Variants in PCNT observed in about 807,000 individuals in gnomAD.
PCNT encodes pericentrin.
PCNT carries 319 observed loss-of-function variants against 380.4 expected under a neutral mutation model. The observed-to-expected ratio is 0.84, with a 90% confidence interval of 0.77 to 0.92. The LOEUF is 0.92. PCNT is among the 40% of genes least tolerant of loss of function. The probability of loss-of-function intolerance (pLI) is 0.00; values close to 1 mark genes in which losing one functional copy is unlikely to be tolerated. For synonymous variants in PCNT, 1,845 were observed against 1,735.2 expected (o/e 1.06, Z -1.57); for missense variants, 4,400 against 4,255.3 (o/e 1.03, Z -0.95).
intron 44 of PCNT, 24 bp from the exon 45 acceptor site, chr21:46,443,786 G>A (rs576018242): frequency 6.2e-7 from 1 of 1,612,640 alleles, no homozygotes; most frequent in Non-Finnish European, 8.5e-7. Context: ...CTAATCCCTT[G>A]GTTGTTAAAT....
At chr21:46,324,858 C>T (rs1048750335) in intron 1 of PCNT, 16 of 985,054 alleles carry the variant, frequency 1.6e-5, no homozygotes, top group Admixed American at 1.2e-4. Flanking sequence ...CCTCGTCCGT[C>T]GGAGATGCTT....
In PCNT at chr21:46,401,535, CT is replaced by C. The variant is rs575429540; in HGVS notation, c.4792-6del. On this transcript the variant is annotated splice_polypyrimidine_tract_variant and intron_variant, in intron 25 of 46. Coordinates refer to ENST00000359568, the MANE Select transcript of PCNT (RefSeq NM_006031.6). ...CCAAATATTTGCCTAAAATAGAGTT[CT>C]TTTTTTTTTAATAGGATAAAGAGGT... 2,983 of 1,410,896 alleles carry C rather than the reference CT, an allele frequency of 2.1e-3. No individual in the cohort carries two copies. The highest frequency in any genetic ancestry group is 2.9e-3 in the Middle Eastern group (16 of 5,470). The allele number at this position is 1,410,896 out of a possible 1,614,324, so 87.4% of individuals were successfully genotyped here.
At chr21:46,427,568 A>G (rs763696802) in intron 33 of PCNT, 54 bp from the exon 34 acceptor site, 24 of 1,609,456 alleles carry the variant, frequency 1.5e-5, no homozygotes, top group Non-Finnish European at 2.0e-5. Flanking sequence ...ACTTTAGGGC[A>G]CAAGGATGCA....
intron 15 of PCNT, among the ~76,000 whole-genome samples, chr21:46,369,416 C>G (rs901927735): frequency 6.6e-6 from 1 of 152,198 alleles, no homozygotes. Context: ...TGTTGTCTTT[C>G]TGGACAAAAT....
chr21:46,376,421 C>T (rs2085334058), intron 15 of PCNT, among the ~76,000 whole-genome samples: 1 of 152,232 alleles, frequency 6.6e-6, no homozygotes, highest in African/African-American at 2.4e-5. Context: ...CAGAGGTTTG[C>T]CCTCGGGCCC....
chr21:46,441,348 C>T (rs545641192), intron 43 of PCNT, among the ~76,000 whole-genome samples: 5 of 152,294 alleles, frequency 3.3e-5, no homozygotes, highest in Admixed American at 1.3e-4. Context: ...TAATGGGTTT[C>T]GTGCCACAAA....
At chr21:46,413,372 G>A (rs535772152) in intron 29 of PCNT, among the ~76,000 whole-genome samples, 58 of 148,840 alleles carry the variant, frequency 3.9e-4, no homozygotes, top group African/African-American at 1.1e-3. Context: ...GGGGGAAGGC[G>A]TGAGGCCCCC....
intron 2 of PCNT, among the ~76,000 whole-genome samples, chr21:46,332,940 C>G (rs2083603625): frequency 6.6e-6 from 1 of 152,072 alleles, no homozygotes. Flanking sequence ...AACAGAGACC[C>G]TGTCTCTACA....
rs1343964359 is a variant in PCNT at position 46,411,985 on chromosome 21, A to G, written c.5912A>G (p.Asp1971Gly). The change falls in exon 28 of 47, where the codon GAT becomes GGT. Residue 1971 changes from aspartate to glycine, a missense_variant. By Grantham distance (94) the Asp-to-Gly change is moderately conservative (BLOSUM62 -1). Coordinates refer to ENST00000359568, the MANE Select transcript of PCNT (RefSeq NM_006031.6). Reference sequence around the variant, plus strand: ...GGGGCCCACCCACAGCCTCGCATGGATGGTGGCGCCAAGGCCCAGGTCACC... The same window carrying G: ...GGGGCCCACCCACAGCCTCGCATGGGTGGTGGCGCCAAGGCCCAGGTCACC... ...VPGAHPQPRM[D>G]GGAKAQVTGD... 6.2e-7 allele frequency: 1 copy of G among 1,604,500 alleles called. No homozygotes were observed. Among genetic ancestry groups the G allele is most frequent in the Non-Finnish European group, 8.5e-7 (1 of 1,179,760 alleles).
At position 46,441,104 on chromosome 21, in the gene PCNT, G is replaced by T. The variant is rs1388275179; in HGVS notation, c.9623+20G>T. 6.8e-7 allele frequency: 1 copy of T among 1,479,450 alleles called. No homozygotes were observed. The highest frequency in any genetic ancestry group is 9.5e-7 in the Non-Finnish European group (1 of 1,057,126). The allele number at this position is 1,479,450 out of a possible 1,614,324, so 91.6% of individuals were successfully genotyped here. Reference sequence around the variant, plus strand: ...ATTAAGGTAAATGCCATGACGTTCAGTCAGTGCGTTCCGCGTCTGTCTCCG... The same window carrying T: ...ATTAAGGTAAATGCCATGACGTTCATTCAGTGCGTTCCGCGTCTGTCTCCG... On this transcript the variant is annotated intron_variant, in intron 43 of 46. Coordinates refer to ENST00000359568, the MANE Select transcript of PCNT (RefSeq NM_006031.6).
chr21:46,327,003 ACTCT>A (rs1029342352), intron 2 of PCNT, among the ~76,000 whole-genome samples: 4 of 147,096 alleles, frequency 2.7e-5, no homozygotes, highest in African/African-American at 1.0e-4. Context: ...ACAGAGCGAG[ACTCT>A]CTCTCAAAAA....
In PCNT at chr21:46,388,229, A is replaced by G. The variant is rs2085908465; in HGVS notation, c.3465-513A>G. ...CATCTCAAAAAAAAAAAAAGACAGAAGCATCCCAGACCGCACGTCCACGAG... is the reference window on the plus strand; with the variant it reads ...CATCTCAAAAAAAAAAAAAGACAGAGGCATCCCAGACCGCACGTCCACGAG... On this transcript the variant is annotated intron_variant, in intron 17 of 46. Transcript: ENST00000359568. The surrounding 1 kb of genome is among the most constrained non-coding windows in gnomAD (Gnocchi z 4.2). 6.6e-6 allele frequency among the ~76,000 whole-genome samples: 1 copy of G among 151,102 alleles called. No homozygotes were observed. Among genetic ancestry groups the G allele is most frequent in the Non-Finnish European group, 1.5e-5 (1 of 67,794 alleles).
rs755022135 is a variant in PCNT at position 46,412,836 on chromosome 21, G to A, written c.5995-1G>A. ...AGCTTTCCTCTGTCTCCTCTGTCAA[G>A]GGTGATCTGCAGCCTGTCCTGGTGA... On this transcript the variant is annotated splice_acceptor_variant, in intron 28 of 46. Coordinates refer to ENST00000359568, the MANE Select transcript of PCNT (RefSeq NM_006031.6). LOFTEE classifies it high-confidence loss of function. The A allele has an allele frequency of 6.2e-7, 1 of 1,611,130 alleles. No homozygotes were observed. The highest frequency in any genetic ancestry group is 8.5e-7 in the Non-Finnish European group (1 of 1,180,000).
intron 2 of PCNT, among the ~76,000 whole-genome samples, chr21:46,330,950 A>G (rs2083539894): frequency 6.6e-6 from 1 of 152,128 alleles, no homozygotes; most frequent in African/African-American, 2.4e-5. Flanking sequence ...TATTTTACCC[A>G]TCTATAAATT....
intron 3 of PCNT, among the ~76,000 whole-genome samples, chr21:46,340,362 T>G (rs1332001379): frequency 6.6e-6 from 1 of 152,172 alleles, no homozygotes; most frequent in Admixed American, 6.5e-5. Context: ...CACATACGTA[T>G]AGCTCAGCCC....
At chr21:46,324,834 A>G (rs1316672497) in intron 1 of PCNT, 16 of 973,420 alleles carry the variant, frequency 1.6e-5, no homozygotes, top group African/African-American at 1.4e-4. Flanking sequence ...GCGCCTCCCC[A>G]GGGTGCGCCT....
intron 13 of PCNT, among the ~76,000 whole-genome samples, chr21:46,361,461 C>A (rs542271417): frequency 9.2e-5 from 14 of 152,346 alleles, no homozygotes; most frequent in Middle Eastern, 6.8e-3. Flanking sequence ...CTAAGAGTCA[C>A]CATGATGCTG....
In PCNT at chr21:46,432,166, C is replaced by G; in HGVS notation, c.8702C>G (p.Pro2901Arg). ...AGGAGCGCGGAGGCCAGGCAGAGCC[C>G]AGCGGCTGCGGAGCAGTGGAGGAAG... ...ARRSAEARQS[P>R]AAAEQWRKWQ... Residue 2901 changes from proline (P) to arginine (R), a missense_variant, in exon 38 of 47, where the codon CCA becomes CGA. Transcript: ENST00000359568. 1 of 1,613,386 alleles carries G rather than the reference C, an allele frequency of 6.2e-7. No homozygotes were observed. The highest frequency in any genetic ancestry group is 8.5e-7 in the Non-Finnish European group (1 of 1,179,912).
Position 46,416,590 on chromosome 21 carries a change from G to C in PCNT, c.6672G>C (p.Trp2224Cys), listed in dbSNP as rs373358569. Residue 2224 changes from tryptophan (W) to cysteine (C), a missense_variant, in exon 30 of 47, where the codon TGG becomes TGC. Physicochemically the swap from Trp to Cys is radical, Grantham distance 215. Transcript: ENST00000359568. ...TCGGGATGCTGGACCTGTCTTCCTG[G>C]AGCTCCCCTGAGGTCCTCAGGAAGG... ...SPVGMLDLSS[W>C]SSPEVLRKDW... 47 of 1,606,114 alleles carry C rather than the reference G, an allele frequency of 2.9e-5. No individual in the cohort carries two copies. The highest frequency in any genetic ancestry group is 3.7e-5 in the Non-Finnish European group (44 of 1,176,270).
Sources: allele counts gnomAD v4.1 joint callset (sites outside exome capture counted in the v4.1 genomes callset), GRCh38; gene constraint gnomAD v4.1.1; non-coding constraint Gnocchi (gnomAD v3.1); transcripts MANE v1.5; gene names NCBI Gene and HGNC (gene_info 2026-07-23, HGNC 2026-07-21).